The following CAMTA1 variants were observed in gnomAD, a reference collection of about 807,000 sequenced individuals.
The protein encoded by CAMTA1 is calmodulin-binding transcription activator 1.
Under a neutral mutation model 170.9 loss-of-function variants are expected in CAMTA1, and 27 were observed. That is an observed-to-expected ratio of 0.16 (90% CI 0.12 to 0.22). CAMTA1 has a LOEUF of 0.22. Ranked by LOEUF, CAMTA1 falls within the 10% of genes least tolerant of loss-of-function variation. The probability of loss-of-function intolerance (pLI) is 1.00; values close to 1 mark genes in which losing one functional copy is unlikely to be tolerated. For missense variants in CAMTA1, 1,619 were observed against 2,217.2 expected (o/e 0.73, Z 5.42); for synonymous variants, 833 against 891.5 (o/e 0.93, Z 1.17).
At chr1:6,831,523 A>G (rs77769313) in intron 3 of CAMTA1, among the ~76,000 whole-genome samples, 1,833 of 152,388 alleles carry the variant, frequency 0.012, 21 homozygotes, top group South Asian at 0.033. Flanking sequence ...GACTTAAAAT[A>G]TAACTACTGC....
rs796216680 is a variant in CAMTA1 at position 7,609,151 on chromosome 1, C to A, written c.511-31249C>A. Among the ~76,000 whole-genome samples the A allele has an allele frequency of 6.6e-6, 1 of 152,176 alleles. No individual in the cohort carries two copies. Among genetic ancestry groups the A allele is most frequent in the African/African-American group, 2.4e-5 (1 of 41,454 alleles). On this transcript the variant is annotated intron_variant, in intron 6 of 22. Transcript: ENST00000303635. This position sits in a 1 kb window ranked among gnomAD's most constrained non-coding sequence, Gnocchi z 4.4. Reference sequence around the variant, plus strand: ...CCTTCCCACTACCGGCCTAGCCCTGCCGCCTGTGCCTTGCCTCCTGGCCTC... The same window carrying A: ...CCTTCCCACTACCGGCCTAGCCCTGACGCCTGTGCCTTGCCTCCTGGCCTC...
intron 3 of CAMTA1, among the ~76,000 whole-genome samples, chr1:7,051,074 G>A (rs1215913203): frequency 6.6e-6 from 1 of 152,136 alleles, no homozygotes; most frequent in Non-Finnish European, 1.5e-5. Context: ...GAGGCGCTGC[G>A]GCAAGGTGCC....
chr1:7,312,949 T>G (rs1348093845), intron 5 of CAMTA1, among the ~76,000 whole-genome samples: 3 of 152,222 alleles, frequency 2.0e-5, no homozygotes, highest in Admixed American at 6.5e-5. Context: ...TGACATTTTC[T>G]TGGTGAGTAT....
At chr1:7,326,214 A>C (rs1279324939) in intron 5 of CAMTA1, among the ~76,000 whole-genome samples, 1 of 152,212 alleles carries the variant, frequency 6.6e-6, no homozygotes, top group Non-Finnish European at 1.5e-5. Context: ...GCCTTCTTTA[A>C]GGAACAAAAC....
At chr1:7,323,076 G>A (rs1250459445) in intron 5 of CAMTA1, among the ~76,000 whole-genome samples, 6 of 137,028 alleles carry the variant, frequency 4.4e-5, no homozygotes, top group African/African-American at 1.7e-4. Context: ...TGTGTCTATT[G>A]TTTTATTTTG....
At position 7,592,631 on chromosome 1, in the gene CAMTA1, T is replaced by G. The variant is rs1019055572; in HGVS notation, c.511-47769T>G. Among the ~76,000 whole-genome samples, 1 of 151,800 alleles carries G rather than the reference T, an allele frequency of 6.6e-6. No homozygotes were observed. Among genetic ancestry groups the G allele is most frequent in the African/African-American group, 2.4e-5 (1 of 41,266 alleles). On this transcript the variant is annotated intron_variant, in intron 6 of 22. Transcript: ENST00000303635. This position sits in a 1 kb window ranked among gnomAD's most constrained non-coding sequence, Gnocchi z 4.6. ...CTACCAGTGCGGAATGAGTGGGGAG[T>G]GTCCAGGCGTTGCTGCATGAGTTGC...
At chr1:7,498,383 ATG>A (rs539989789) in intron 6 of CAMTA1, among the ~76,000 whole-genome samples, 229 of 146,452 alleles carry the variant, frequency 1.6e-3, no homozygotes, top group Non-Finnish European at 2.9e-3. Flanking sequence ...GTATGAGTGG[ATG>A]TGTGTGAGTG....
chr1:7,123,714 T>C (rs1185284719), intron 4 of CAMTA1, among the ~76,000 whole-genome samples: 3 of 152,002 alleles, frequency 2.0e-5, no homozygotes, highest in Admixed American at 2.0e-4. Context: ...ATGCCTGTTC[T>C]GGCCCTTGAC....
chr1:7,000,980 C>A (rs1022682621), intron 3 of CAMTA1, among the ~76,000 whole-genome samples: 1 of 152,112 alleles, frequency 6.6e-6, no homozygotes, highest in South Asian at 2.1e-4. Flanking sequence ...GTTCCCACAC[C>A]GATAGGAAAA....
At chr1:7,329,733 T>A (rs986057481) in intron 5 of CAMTA1, among the ~76,000 whole-genome samples, 1 of 152,228 alleles carries the variant, frequency 6.6e-6, no homozygotes, top group Admixed American at 6.5e-5. Flanking sequence ...ATCTCTTCTA[T>A]GTGTAACCCC....
intron 6 of CAMTA1, among the ~76,000 whole-genome samples, chr1:7,535,344 G>A (rs2094537112): frequency 1.3e-5 from 2 of 152,278 alleles, no homozygotes; most frequent in South Asian, 2.1e-4. Context: ...AGTGCCGCCC[G>A]CCTCCACCCC....
At chr1:7,220,737 G>A (rs886940785) in intron 4 of CAMTA1, among the ~76,000 whole-genome samples, 3 of 152,330 alleles carry the variant, frequency 2.0e-5, no homozygotes, top group East Asian at 1.9e-4. Context: ...AGGCTGAGTC[G>A]GACAGGGAGA....
chr1:7,663,414 G>C lies in CAMTA1; in HGVS notation c.867G>C (p.Lys289Asn). The C allele has an allele frequency of 6.4e-7, 1 of 1,556,638 alleles. No homozygotes were observed. Among genetic ancestry groups the C allele is most frequent in the Non-Finnish European group, 8.7e-7 (1 of 1,147,244 alleles). Residue 289 changes from lysine to asparagine, a missense_variant, in exon 9 of 23, where the codon AAG becomes AAC. By Grantham distance (94) the Lys-to-Asn change is moderately conservative. Around this residue, in one of 8 missense-constraint regions of CAMTA1, gnomAD observed 731 missense variants for 907.6 expected, o/e 0.81. Coordinates refer to ENST00000303635, the MANE Select transcript of CAMTA1 (RefSeq NM_015215.4). ...CCAAACACCGCATCATCTCGCCCAA[G>C]GTGGAGCCACGGACAGGGGGGTACG... ...NSAKHRIISP[K>N]VEPRTGGYGS...
intron 6 of CAMTA1, among the ~76,000 whole-genome samples, chr1:7,568,473 C>T (rs916342503): frequency 1.1e-4 from 17 of 150,114 alleles, no homozygotes; most frequent in African/African-American, 3.9e-4. Context: ...CACCAACAAC[C>T]ATCATCAACA....
rs1339234570 is a variant in CAMTA1, at chr1:6,978,211, A to G, written c.235-113093A>G. Among the ~76,000 whole-genome samples, 3 of 152,234 alleles carry G rather than the reference A, an allele frequency of 2.0e-5. No homozygotes were observed. In the East Asian group the frequency reaches 5.8e-4, roughly 29 times the overall value. The stretch of plus-strand genomic sequence containing the variant: ...ATAACTTAATTGTACATTTGAAAAT[A>G]ACAAAAAAAGTATAATTCGATTGTT... On this transcript the variant is annotated intron_variant, in intron 3 of 22. Coordinates refer to ENST00000303635, the MANE Select transcript of CAMTA1 (RefSeq NM_015215.4).
At chr1:7,363,178 A>C (rs2085685206) in intron 5 of CAMTA1, among the ~76,000 whole-genome samples, 1 of 152,240 alleles carries the variant, frequency 6.6e-6, no homozygotes, top group East Asian at 1.9e-4. Context: ...CATGGTGCCC[A>C]CTTGTTACAT....
intron 5 of CAMTA1, among the ~76,000 whole-genome samples, chr1:7,444,316 C>T (rs936336667): frequency 6.6e-6 from 1 of 152,178 alleles, no homozygotes; most frequent in Admixed American, 6.5e-5. Context: ...TCTGAGGACC[C>T]ACTCTGTACC....
chr1:7,232,640 T>C (rs4908449), intron 4 of CAMTA1, among the ~76,000 whole-genome samples: 104,941 of 152,038 alleles, frequency 0.69, 37,306 homozygotes, highest in African/African-American at 0.87. Flanking sequence ...GTAGGGAGCC[T>C]CCAGAAACAG....
chr1:7,612,376 C>T (rs2095529780), intron 6 of CAMTA1, among the ~76,000 whole-genome samples: 1 of 152,184 alleles, frequency 6.6e-6, no homozygotes, highest in Non-Finnish European at 1.5e-5. Flanking sequence ...TTAGACACTC[C>T]TTCTCTTTTC....
Sources: allele counts gnomAD v4.1 joint callset (sites outside exome capture counted in the v4.1 genomes callset), GRCh38; gene constraint gnomAD v4.1.1; regional missense constraint gnomAD v4.1.1; non-coding constraint Gnocchi (gnomAD v3.1); transcripts MANE v1.5; gene names NCBI Gene and HGNC (gene_info 2026-07-23, HGNC 2026-07-21).